CCSER1: variants seen among roughly 807,000 people sequenced by gnomAD.
CCSER1 encodes the protein serine-rich coiled-coil domain-containing protein 1.
A neutral mutation model predicts 82.0 loss-of-function variants in CCSER1; 41 were observed. The ratio of observed to expected loss-of-function variants is 0.50; its 90% confidence interval spans 0.39 to 0.65. The LOEUF is 0.65. CCSER1 is among the 30% of genes least tolerant of loss of function. The pLI is 0.00. For missense variants in CCSER1, 1,119 were observed against 1,064.2 expected (o/e 1.05, Z -0.72); for synonymous variants, 414 against 383.9 (o/e 1.08, Z -0.92).
intron 10 of CCSER1, among the ~76,000 whole-genome samples, chr4:91,149,431 C>G (rs1226333386): frequency 1.3e-5 from 2 of 152,272 alleles, no homozygotes; most frequent in African/African-American, 4.8e-5. Flanking sequence ...TGTAGGTTGC[C>G]TATTCACTCT....
intron 10 of CCSER1, among the ~76,000 whole-genome samples, chr4:91,143,566 G>A (rs1404924541): frequency 6.6e-6 from 1 of 152,074 alleles, no homozygotes; most frequent in Non-Finnish European, 1.5e-5. Flanking sequence ...CAGGGGGAAT[G>A]CCTCTAGCTT....
chr4:90,383,475 C>T (rs185935060), intron 3 of CCSER1, among the ~76,000 whole-genome samples: 86 of 152,156 alleles, frequency 5.7e-4, no homozygotes, highest in African/African-American at 1.9e-3. Context: ...GGAAAGAAGT[C>T]AAGACTTCTC....
At chr4:91,133,621 T>G (rs1446485855) in intron 10 of CCSER1, among the ~76,000 whole-genome samples, 1 of 152,134 alleles carries the variant, frequency 6.6e-6, no homozygotes. Flanking sequence ...TCATAACACA[T>G]ATATTTCCTA....
At chr4:90,980,365 G>T (rs1736001600) in intron 9 of CCSER1, among the ~76,000 whole-genome samples, 1 of 151,854 alleles carries the variant, frequency 6.6e-6, no homozygotes, top group African/African-American at 2.4e-5. Flanking sequence ...GAGCAAGGGG[G>T]AGACCTGTAG....
intron 10 of CCSER1, among the ~76,000 whole-genome samples, chr4:91,189,037 T>C (rs1356137664): frequency 6.6e-6 from 1 of 152,138 alleles, no homozygotes; most frequent in Admixed American, 6.5e-5. Context: ...ATTTTCTAGG[T>C]CTCTGCAAAC....
At chr4:91,488,177 G>A (rs62309608) in intron 10 of CCSER1, among the ~76,000 whole-genome samples, 32 of 152,106 alleles carry the variant, frequency 2.1e-4, no homozygotes, top group East Asian at 5.8e-4. Flanking sequence ...TCGCATAAGC[G>A]GTTATCCAAA....
intron 10 of CCSER1, among the ~76,000 whole-genome samples, chr4:91,569,136 T>C (rs2110278255): frequency 6.6e-6 from 1 of 152,276 alleles, no homozygotes; most frequent in African/African-American, 2.4e-5. Context: ...TGTTGGATCT[T>C]TGGAGCATGA....
chr4:90,305,460 C>T, intron 1 of CCSER1, among the ~76,000 whole-genome samples: 1 of 151,948 alleles, frequency 6.6e-6, no homozygotes, highest in East Asian at 1.9e-4. Context: ...AATATCGTGG[C>T]TGTAAGTGAT....
chr4:91,168,333 C>T (rs1288643841), intron 10 of CCSER1, among the ~76,000 whole-genome samples: 1 of 118,484 alleles, frequency 8.4e-6, no homozygotes, highest in East Asian at 2.8e-4. Flanking sequence ...CGGCCACCCC[C>T]TCTGGGAAGT....
intron 8 of CCSER1, among the ~76,000 whole-genome samples, chr4:90,913,932 A>G (rs1303847504): frequency 6.6e-6 from 1 of 152,206 alleles, no homozygotes; most frequent in African/African-American, 2.4e-5. Flanking sequence ...TCAATTCAAC[A>G]AGAAGAAGTA....
At chr4:90,302,046 T>C (rs10024732) in intron 1 of CCSER1, among the ~76,000 whole-genome samples, 11,412 of 152,230 alleles carry the variant, frequency 0.075, 1,106 homozygotes, top group African/African-American at 0.22. Flanking sequence ...AGTTGTAATT[T>C]AGCATAATTA....
At chr4:90,857,603 G>A (rs1686953485) in intron 8 of CCSER1, among the ~76,000 whole-genome samples, 1 of 152,018 alleles carries the variant, frequency 6.6e-6, no homozygotes, top group African/African-American at 2.4e-5. Flanking sequence ...CCTTTTAGTA[G>A]CTACCTACCA....
intron 4 of CCSER1, among the ~76,000 whole-genome samples, chr4:90,408,946 G>A (rs544105641): frequency 2.9e-4 from 44 of 152,324 alleles, no homozygotes; most frequent in African/African-American, 1.0e-3. Context: ...GGACCTCATG[G>A]AGCTGAAAAC....
At chr4:90,546,668 A>T (rs1489496982) in intron 5 of CCSER1, among the ~76,000 whole-genome samples, 1 of 152,138 alleles carries the variant, frequency 6.6e-6, no homozygotes, top group Non-Finnish European at 1.5e-5. Flanking sequence ...TAATAAAAAA[A>T]ATTTCCTATA....
intron 10 of CCSER1, among the ~76,000 whole-genome samples, chr4:91,234,460 C>G (rs1738852295): frequency 6.6e-6 from 1 of 151,918 alleles, no homozygotes; most frequent in African/African-American, 2.4e-5. Flanking sequence ...CAATTTTAAC[C>G]CCAGAGGAAA....
intron 3 of CCSER1, among the ~76,000 whole-genome samples, chr4:90,361,072 T>G (rs1469364386): frequency 6.6e-6 from 1 of 152,208 alleles, no homozygotes; most frequent in Non-Finnish European, 1.5e-5. Flanking sequence ...CTAAACATAC[T>G]TTGAGTCTAA....
At chr4:91,505,764 C>G (rs1399699541) in intron 10 of CCSER1, among the ~76,000 whole-genome samples, 1 of 152,006 alleles carries the variant, frequency 6.6e-6, no homozygotes, top group Non-Finnish European at 1.5e-5. Context: ...CTCTTCATGT[C>G]CTTTGCTCAC....
intron 10 of CCSER1, among the ~76,000 whole-genome samples, chr4:91,144,820 A>G (rs1729389248): frequency 2.0e-5 from 3 of 152,018 alleles, no homozygotes; most frequent in African/African-American, 7.2e-5. Context: ...CTGTGGTTCT[A>G]GAACATGCTT....
At position 90,251,101 on chromosome 4, in the gene CCSER1, G is replaced by T. The variant is rs11931823; in HGVS notation, c.-41-57143G>T. Among the ~76,000 whole-genome samples, 1,031 of 151,978 alleles carry T rather than the reference G, an allele frequency of 6.8e-3. 9 individuals carry two copies. Among genetic ancestry groups the T allele is most frequent in the African/African-American group, 0.024 (998 of 41,518 alleles). ...TTTATTTTTGTTTGTGTATGTGTAT[G>T]TGTGTTCCTTAGGAATTATTAAAAA... On this transcript the variant is annotated intron_variant, in intron 1 of 10. Transcript: ENST00000509176.
Sources: gnomAD v4.1 joint callset for allele counts (sites outside exome capture counted in the v4.1 genomes callset) on GRCh38, gnomAD v4.1.1 for gene constraint, MANE v1.5 for transcripts, NCBI Gene and HGNC (gene_info 2026-07-23, HGNC 2026-07-21) for gene names.